Variants in ABCG4 observed in about 807,000 individuals in gnomAD.
The protein encoded by ABCG4 is ATP binding cassette subfamily G member 4.
ABCG4 carries 35 observed loss-of-function variants against 64.6 expected under a neutral mutation model. That is an observed-to-expected ratio of 0.54 (90% CI 0.41 to 0.72). ABCG4 has a LOEUF of 0.72. Ranked by LOEUF, ABCG4 falls within the 30% of genes least tolerant of loss-of-function variation. The pLI is 0.00. For missense variants in ABCG4, 610 were observed against 846.3 expected, an observed-to-expected ratio of 0.72 and a Z score of 3.46; for synonymous variants, 326 against 348.2, an observed-to-expected ratio of 0.94 and a Z score of 0.71.
rs748908901 is a variant in ABCG4, at chr11:119,160,202, T to C, written c.1438-25T>C. ...GCTGTGCCCCTGGCTTGAAGTCCAC[T>C]GTCCAGCCCGTGCCCACTCCCCAGG... On this transcript the variant is annotated intron_variant, in intron 12 of 14. Coordinates refer to ENST00000619701, the MANE Select transcript of ABCG4 (RefSeq NM_022169.5). This position sits in a 1 kb window ranked among gnomAD's most constrained non-coding sequence, Gnocchi z 4.6. The C allele has an allele frequency of 5.0e-5, 80 of 1,587,426 alleles. No homozygotes were observed. Among genetic ancestry groups the C allele is most frequent in the Non-Finnish European group, 6.6e-5 (77 of 1,159,754 alleles).
rs1208538399 is a variant in ABCG4 at position 119,156,496 on chromosome 11, G to A, written c.810+44G>A. The A allele has an allele frequency of 1.2e-6, 2 of 1,614,078 alleles. No individual in the cohort carries two copies. Among genetic ancestry groups the A allele is most frequent in the East Asian group, 4.5e-5 (2 of 44,878 alleles). ...CAAGGAGGATTGGCCTGAGATGGAG[G>A]GATGGAAGGGGGTCAGTAGGGGTGC... On this transcript the variant is annotated intron_variant, in intron 7 of 14. Coordinates refer to ENST00000619701, the MANE Select transcript of ABCG4 (RefSeq NM_022169.5). The surrounding 1 kb of genome is among the most constrained non-coding windows in gnomAD (Gnocchi z 5.5).
rs762179499 is a variant in ABCG4 at position 119,158,414 on chromosome 11, T to TGG, written c.1167+85_1167+86dup. 4.3e-5 allele frequency: 67 copies of TGG among 1,568,144 alleles called. No homozygotes were observed. The highest frequency in any genetic ancestry group is 1.7e-4 in the Middle Eastern group (1 of 5,990). On this transcript the variant is annotated intron_variant, in intron 10 of 14. Coordinates refer to ENST00000619701, the MANE Select transcript of ABCG4 (RefSeq NM_022169.5). This position sits in a 1 kb window ranked among gnomAD's most constrained non-coding sequence, Gnocchi z 4.5. ...AGGATCCCAGCAGCTGAAATGGGAA[T>TGG]GGGGACCCTCCCTCACAGCCCTGCA... is the stretch of plus-strand genomic sequence containing the variant.
chr11:119,156,184 C>G lies in ABCG4; in HGVS notation c.687-145C>G. ...GGCTTCTGGGTATCCCTCCAAGTGC[C>G]TGAACCGTAAAGGATACAGATGCGG... On this transcript the variant is annotated intron_variant, in intron 6 of 14. Transcript: ENST00000619701. The surrounding 1 kb of genome is among the most constrained non-coding windows in gnomAD (Gnocchi z 5.5). 1 of 1,112,122 alleles carries G rather than the reference C, an allele frequency of 9.0e-7. No individual in the cohort carries two copies. 68.9% of individuals were successfully genotyped at this position (1,112,122 alleles called of 1,614,324 possible).
intron 12 of ABCG4, among the ~76,000 whole-genome samples, chr11:119,159,901 T>C (rs1213899030): frequency 6.6e-6 from 1 of 151,952 alleles, no homozygotes; most frequent in Non-Finnish European, 1.5e-5. Context: ...ATGGCTCTCC[T>C]ATGGAGAGTT....
In ABCG4 at chr11:119,152,190, C is replaced by A. The variant is rs559633659; in HGVS notation, c.239-1836C>A. 2.6e-5 allele frequency among the ~76,000 whole-genome samples: 4 copies of A among 152,260 alleles called. No homozygotes were observed. In the East Asian group the frequency reaches 7.7e-4, roughly 29 times the overall value. The stretch of plus-strand genomic sequence containing the variant: ...GAGGACTGAGGCAGAGGGCTAGAGC[C>A]CACGGCTTCCCTCTCCCAGGAAAGA... On this transcript the variant is annotated intron_variant, in intron 2 of 14. Coordinates refer to ENST00000619701, the MANE Select transcript of ABCG4 (RefSeq NM_022169.5).
chr11:119,153,690 G>C lies in ABCG4; in HGVS notation c.239-336G>C, dbSNP rs1391463826. On this transcript the variant is annotated intron_variant, in intron 2 of 14. Coordinates refer to ENST00000619701, the MANE Select transcript of ABCG4 (RefSeq NM_022169.5). ...TAGTGGGAGTTTTCCTGGAGGGGGCGAGACAGTGGCCACTGTGATTACAGA... is the reference window on the plus strand; with the variant it reads ...TAGTGGGAGTTTTCCTGGAGGGGGCCAGACAGTGGCCACTGTGATTACAGA... 1.2e-5 allele frequency: 3 copies of C among 249,722 alleles called. No homozygotes were observed. The East Asian group carries it at 2.5e-4, about 21-fold the overall frequency. 15.5% of individuals were successfully genotyped at this position (249,722 alleles called of 1,614,324 possible).
Position 119,154,805 on chromosome 11 carries a change from G to A in ABCG4, c.576G>A (p.Ser192=), listed in dbSNP as rs779514029. 2.5e-5 allele frequency: 40 copies of A among 1,613,418 alleles called. No individual in the cohort carries two copies. Among genetic ancestry groups the A allele is most frequent in the Admixed American group, 1.3e-4 (8 of 60,002 alleles). ...TCCTGACGGCACTGGGCCTGATGTC[G>A]TGCTCCCACACGAGGACAGCCCTGC... The part of the protein sequence containing the change: ...TEILTALGLM[S]CSHTRTALLS... Residue 192 remains serine, a synonymous_variant, in exon 6 of 15, where the codon TCG becomes TCA. Coordinates refer to ENST00000619701, the MANE Select transcript of ABCG4 (RefSeq NM_022169.5). This position sits in a 1 kb window ranked among gnomAD's most constrained non-coding sequence, Gnocchi z 7.0.
chr11:119,156,789 T>G lies in ABCG4; in HGVS notation c.926-83T>G. The G allele has an allele frequency of 6.3e-7, 1 of 1,590,266 alleles. No individual in the cohort carries two copies. The highest frequency in any genetic ancestry group is 8.6e-7 in the Non-Finnish European group (1 of 1,163,020). On this transcript the variant is annotated intron_variant, in intron 8 of 14. Transcript: ENST00000619701. The surrounding 1 kb of genome is among the most constrained non-coding windows in gnomAD (Gnocchi z 5.5). ...GTAGAGATCTCACCGTCGCCTGCCT[T>G]CCCCACACACCCAAGGCGGGACTGA...
intron 2 of ABCG4, among the ~76,000 whole-genome samples, chr11:119,151,121 T>C (rs944790581): frequency 2.6e-5 from 4 of 152,264 alleles, no homozygotes; most frequent in African/African-American, 9.6e-5. Flanking sequence ...AACTGAGGCA[T>C]CTGGGCTTCC....
rs1948242070 is a variant in ABCG4 at position 119,154,703 on chromosome 11, A to G, written c.541-67A>G. ...TGCACTTAAGGGAGATGCTTTTTGA[A>G]GCTGGGGTGGTGCCTGGGGGAAGCA... On this transcript the variant is annotated intron_variant, in intron 5 of 14. Coordinates refer to ENST00000619701, the MANE Select transcript of ABCG4 (RefSeq NM_022169.5). The surrounding 1 kb of genome is among the most constrained non-coding windows in gnomAD (Gnocchi z 7.0). The G allele has an allele frequency of 5.7e-6, 9 of 1,585,168 alleles. No homozygotes were observed. The highest frequency in any genetic ancestry group is 7.7e-6 in the Non-Finnish European group (9 of 1,162,904).
rs1948276472 is a variant in ABCG4, at chr11:119,157,123, G to A, written c.1068+109G>A. The A allele has an allele frequency of 2.1e-6, 3 of 1,436,672 alleles. No individual in the cohort carries two copies. The Admixed American group carries it at 7.6e-5, about 36-fold the overall frequency. 89.0% of individuals were successfully genotyped at this position (1,436,672 alleles called of 1,614,324 possible). A position where few individuals can be genotyped will look rare whatever the true frequency, so the allele number is the denominator to read the frequency against. ...TTCCCCAGAGGCATTGCAACCAATGGGTGCTAGGAAGAACCTAGGACTTGG... is the reference window on the plus strand; with the variant it reads ...TTCCCCAGAGGCATTGCAACCAATGAGTGCTAGGAAGAACCTAGGACTTGG... On this transcript the variant is annotated intron_variant, in intron 9 of 14. Coordinates refer to ENST00000619701, the MANE Select transcript of ABCG4 (RefSeq NM_022169.5).
At chr11:119,159,624 T>C (rs1948317999) in intron 12 of ABCG4, among the ~76,000 whole-genome samples, 1 of 152,174 alleles carries the variant, frequency 6.6e-6, no homozygotes, top group Non-Finnish European at 1.5e-5. Context: ...GCCCAGCAAA[T>C]GTTAGCTGGT....
rs1183376841 is a variant in ABCG4, at chr11:119,156,399, A to T, written c.757A>T (p.Ile253Phe). ...MKSLAQGGRT[I>F]ICTIHQPSAK... ...GTCCCTGGCACAGGGGGGCCGTACC[A>T]TCATCTGCACCATCCACCAGCCCAG... Residue 253 changes from isoleucine (I) to phenylalanine (F), a missense_variant, in exon 7 of 15, where the codon ATC becomes TTC. By Grantham distance (21) the Ile-to-Phe change is conservative. Transcript: ENST00000619701. The surrounding 1 kb of genome is among the most constrained non-coding windows in gnomAD (Gnocchi z 5.5). The T allele has an allele frequency of 6.2e-7, 1 of 1,614,002 alleles. No individual in the cohort carries two copies. Among genetic ancestry groups the T allele is most frequent in the Non-Finnish European group, 8.5e-7 (1 of 1,180,038 alleles).
Position 119,150,192 on chromosome 11 carries a change from G to A in ABCG4, c.227G>A (p.Trp76Ter), listed in dbSNP as rs1211759170. 1.2e-6 allele frequency: 2 copies of A among 1,613,578 alleles called. No homozygotes were observed. The highest frequency in any genetic ancestry group is 1.3e-5 in the African/African-American group (1 of 74,936). The part of the protein sequence containing the change: ...LSYSVREGPC[W>*]RKRGYKTLLK... ...TATTCCGTGCGGGAGGGGCCCTGCT[G>A]GCGCAAAAGGGGTAGGGAACAGCCT... The change falls in exon 2 of 15, where the codon TGG becomes TAG. Residue 76 changes from tryptophan (W) to a stop codon, truncating the protein, a stop_gained. Transcript: ENST00000619701. LOFTEE classifies it high-confidence loss of function. This position sits in a 1 kb window ranked among gnomAD's most constrained non-coding sequence, Gnocchi z 4.3.
chr11:119,152,775 AG>A (rs1299756176), intron 2 of ABCG4: 1 of 152,240 alleles, frequency 6.6e-6, no homozygotes, highest in Non-Finnish European at 1.5e-5. Context: ...TTTGCCTTTT[AG>A]AATCCTGCTC....
chr11:119,156,263 C>CCAGACACTCCCTTCTT lies in ABCG4; in HGVS notation c.687-65_687-50dup. The CCAGACACTCCCTTCTT allele has an allele frequency of 6.2e-7, 1 of 1,608,962 alleles. No homozygotes were observed. Among genetic ancestry groups the CCAGACACTCCCTTCTT allele is most frequent in the South Asian group, 1.1e-5 (1 of 90,598 alleles). ...TCCCCTTCACAGCAGCTGCCCCGCCCCAGACACTCCCTTCTTTTGGCCTCA... is the reference window on the plus strand; with the variant it reads ...TCCCCTTCACAGCAGCTGCCCCGCCCCAGACACTCCCTTCTTCAGACACTCCCTTCTTTTGGCCTCA... On this transcript the variant is annotated intron_variant, in intron 6 of 14. Transcript: ENST00000619701. This position sits in a 1 kb window ranked among gnomAD's most constrained non-coding sequence, Gnocchi z 5.5.
intron 12 of ABCG4, among the ~76,000 whole-genome samples, 182 bp downstream of exon 12, chr11:119,159,111 T>C (rs1948310798): frequency 6.6e-6 from 1 of 152,244 alleles, no homozygotes; most frequent in South Asian, 2.1e-4. Flanking sequence ...GGATATAGCA[T>C]TGAACTAGAC....
chr11:119,159,444 C>A (rs894416454), intron 12 of ABCG4, among the ~76,000 whole-genome samples: 2 of 152,216 alleles, frequency 1.3e-5, no homozygotes, highest in African/African-American at 4.8e-5. Flanking sequence ...GGTGTACTCT[C>A]TGGCTCTTAC....
rs373072605 is a variant in ABCG4, at chr11:119,156,945, C to T, written c.999C>T (p.Cys333=). The change falls in exon 9 of 15, where the codon TGC becomes TGT. Residue 333 remains cysteine, a synonymous_variant. Transcript: ENST00000619701. This position sits in a 1 kb window ranked among gnomAD's most constrained non-coding sequence, Gnocchi z 5.5. ...MLFRAVQNGL[C]AMAEKKSSPE... ...TCAGGGCTGTGCAGAATGGGCTGTG[C>T]GCTATGGCTGAGAAGAAGAGCAGCC... The T allele has an allele frequency of 1.7e-5, 27 of 1,613,810 alleles. No homozygotes were observed. Among genetic ancestry groups the T allele is most frequent in the East Asian group, 2.2e-5 (1 of 44,884 alleles).
Sources: allele counts gnomAD v4.1 joint callset (sites outside exome capture counted in the v4.1 genomes callset), GRCh38; gene constraint gnomAD v4.1.1; non-coding constraint Gnocchi (gnomAD v3.1); transcripts MANE v1.5; gene names NCBI Gene and HGNC (gene_info 2026-07-23, HGNC 2026-07-21).